The following JCAD variants were observed in gnomAD, a reference collection of about 807,000 sequenced individuals.
JCAD encodes junctional cadherin 5-associated protein.
A neutral mutation model predicts 98.0 loss-of-function variants in JCAD; 40 were observed. That is an observed-to-expected ratio of 0.41 (90% CI 0.32 to 0.53). The LOEUF (loss-of-function observed/expected upper bound fraction) is 0.53. JCAD is among the 20% of genes least tolerant of loss of function. JCAD has a pLI of 0.31. For missense variants in JCAD, 1,705 were observed against 1,738.1 expected, an observed-to-expected ratio of 0.98 and a Z score of 0.34; for synonymous variants, 691 against 682.3, an observed-to-expected ratio of 1.01 and a Z score of -0.20.
intron 2 of JCAD, among the ~76,000 whole-genome samples, chr10:30,067,327 G>GA (rs1564461451): frequency 6.8e-6 from 1 of 147,886 alleles, no homozygotes; most frequent in Non-Finnish European, 1.5e-5. Flanking sequence ...CCTTTTTTCT[G>GA]TTTTTTTTTT....
intron 2 of JCAD, among the ~76,000 whole-genome samples, chr10:30,046,203 C>T (rs1388213237): frequency 6.6e-6 from 1 of 152,152 alleles, no homozygotes; most frequent in African/African-American, 2.4e-5. Context: ...TAAAGGCAAA[C>T]ACAGTGTTAG....
At chr10:30,102,883 G>A (rs997070323) in intron 1 of JCAD, among the ~76,000 whole-genome samples, 1 of 152,180 alleles carries the variant, frequency 6.6e-6, no homozygotes, top group Non-Finnish European at 1.5e-5. Context: ...GCAGGCAAGA[G>A]GGCATGTGCA....
chr10:30,026,176 G>A lies in JCAD; in HGVS notation c.3972C>T (p.Ser1324=), dbSNP rs1213288723. ...GATGCTCCTTCTCTTCCCTGGAGAT[G>A]CTGTCCTTGGACACAGAGAGTGAGT... The part of the protein sequence containing the change: ...LGHSLSVSKD[S]ISREEKEHPA... Residue 1324 remains serine (S), a synonymous_variant, in exon 3 of 4, where the codon AGC becomes AGT. Coordinates refer to ENST00000375377, the MANE Select transcript of JCAD (RefSeq NM_020848.4). The A allele has an allele frequency of 3.1e-6, 5 of 1,614,156 alleles. No individual in the cohort carries two copies. In the South Asian group the frequency reaches 5.5e-5, roughly 18 times the overall value.
chr10:30,036,086 A>G (rs1474393769), intron 2 of JCAD, among the ~76,000 whole-genome samples: 2 of 152,252 alleles, frequency 1.3e-5, no homozygotes, highest in South Asian at 4.1e-4. Context: ...GTTCATTCAC[A>G]TGACTCCTTC....
intron 1 of JCAD, among the ~76,000 whole-genome samples, chr10:30,100,305 G>A (rs1413222127): frequency 6.6e-6 from 1 of 152,080 alleles, no homozygotes; most frequent in Non-Finnish European, 1.5e-5. Context: ...ACAAAGAGTC[G>A]AACTCTAAAA....
intron 2 of JCAD, among the ~76,000 whole-genome samples, chr10:30,039,280 G>T (rs925522713): frequency 6.6e-6 from 1 of 152,202 alleles, no homozygotes; most frequent in African/African-American, 2.4e-5. Flanking sequence ...CACAGGCAGG[G>T]ACAGGAAGCA....
At chr10:30,063,131 T>C (rs1837727033), upstream of JCAD, among the ~76,000 whole-genome samples, 1 of 134,290 alleles carries the variant, frequency 7.4e-6, no homozygotes, top group Non-Finnish European at 1.6e-5. Context: ...ACTTACTTGA[T>C]CTTGGGAGAT....
intron 1 of JCAD, among the ~76,000 whole-genome samples, chr10:30,083,272 A>G (rs1838116949): frequency 6.6e-6 from 1 of 152,222 alleles, no homozygotes; most frequent in Admixed American, 6.5e-5. Context: ...GTCCAAGGTC[A>G]GACAACTATT....
Position 30,028,876 on chromosome 10 carries a change from A to C in JCAD, c.1272T>G (p.Ile424Met). The change falls in exon 3 of 4, where the codon ATT becomes ATG. Residue 424 changes from isoleucine (I) to methionine (M), a missense_variant. Coordinates refer to ENST00000375377, the MANE Select transcript of JCAD (RefSeq NM_020848.4). ...VTAYDGFVQY[I>M]PFDDPRLRHF... ...GTCGTAACCGTGGATCATCAAAGGGAATGTACTGAACGAAGCCGTCATAGG... is the reference window on the plus strand; with the variant it reads ...GTCGTAACCGTGGATCATCAAAGGGCATGTACTGAACGAAGCCGTCATAGG... The C allele has an allele frequency of 1.2e-6, 2 of 1,614,078 alleles. No individual in the cohort carries two copies. Among genetic ancestry groups the C allele is most frequent in the Non-Finnish European group, 1.7e-6 (2 of 1,180,012 alleles).
intron 2 of JCAD, chr10:30,044,871 C>T: frequency 2.3e-6 from 2 of 855,492 alleles, no homozygotes; most frequent in Non-Finnish European, 2.8e-6. Flanking sequence ...AACCTTGCAG[C>T]CAGTCTCTGA....
intron 1 of JCAD, among the ~76,000 whole-genome samples, chr10:30,101,983 C>G (rs537943673): frequency 1.3e-5 from 2 of 152,234 alleles, no homozygotes; most frequent in African/African-American, 4.8e-5. Context: ...CCAGTGTGGT[C>G]TTTGCCTGGG....
upstream of JCAD, among the ~76,000 whole-genome samples, chr10:30,060,393 TA>T (rs1289114124): frequency 6.6e-6 from 1 of 152,152 alleles, no homozygotes; most frequent in Non-Finnish European, 1.5e-5. Flanking sequence ...GTCATTTGGG[TA>T]ACCCCAAACC....
intron 1 of JCAD, among the ~76,000 whole-genome samples, chr10:30,056,018 CAAT>C (rs1237310380): frequency 1.3e-5 from 2 of 152,088 alleles, no homozygotes; most frequent in African/African-American, 4.8e-5. Context: ...CTTTGGCTAG[CAAT>C]ATTTTTATGA....
At chr10:30,089,475 C>T (rs1425276099) in intron 1 of JCAD, among the ~76,000 whole-genome samples, 1 of 150,920 alleles carries the variant, frequency 6.6e-6, no homozygotes. Context: ...CCCAGCAGAA[C>T]ATCAGGGATA....
At chr10:30,060,110 T>C (rs988752709), upstream of JCAD, among the ~76,000 whole-genome samples, 4 of 149,988 alleles carry the variant, frequency 2.7e-5, no homozygotes, top group African/African-American at 9.8e-5. Context: ...AGTATGGCTA[T>C]ACACACACAC....
In JCAD at chr10:30,027,022, C is replaced by T. The variant is rs748488014; in HGVS notation, c.3126G>A (p.Gly1042=). ...LPLSLSNKNR[G]LSAPDLRSVG... Reference sequence around the variant, plus strand: ...CAGACCGTAAGTCTGGAGCTGAGAGCCCTCGGTTCTTGTTAGACAGGGACA... The same window carrying T: ...CAGACCGTAAGTCTGGAGCTGAGAGTCCTCGGTTCTTGTTAGACAGGGACA... The change falls in exon 3 of 4, where the codon GGG becomes GGA. Residue 1042 remains glycine (G), a synonymous_variant. Coordinates refer to ENST00000375377, the MANE Select transcript of JCAD (RefSeq NM_020848.4). 6.2e-7 allele frequency: 1 copy of T among 1,614,192 alleles called. No individual in the cohort carries two copies. Among genetic ancestry groups the T allele is most frequent in the South Asian group, 1.1e-5 (1 of 91,086 alleles).
In JCAD at chr10:30,028,742, T is replaced by C. The variant is rs779071577; in HGVS notation, c.1406A>G (p.Gln469Arg). Residue 469 changes from glutamine to arginine, a missense_variant, in exon 3 of 4, where the codon CAG (glutamine) becomes CGG (arginine). Physicochemically the swap from Gln to Arg is conservative, Grantham distance 43. Coordinates refer to ENST00000375377, the MANE Select transcript of JCAD (RefSeq NM_020848.4). Reference protein sequence around the residue: ...TAQEPAHGGMQPDGAIWNPQS... With the variant: ...TAQEPAHGGMRPDGAIWNPQS... ...TGGATTCCAAATGGCACCATCAGGC[T>C]GCATTCCTCCATGAGCCGGCTCTTG... 39 of 1,614,182 alleles carry C rather than the reference T, an allele frequency of 2.4e-5. 1 individual carries two copies. In the South Asian group the frequency reaches 4.0e-4, roughly 16 times the overall value.
At chr10:30,030,812 AC>A (rs1181430380) in intron 2 of JCAD, among the ~76,000 whole-genome samples, 1 of 151,874 alleles carries the variant, frequency 6.6e-6, no homozygotes, top group Non-Finnish European at 1.5e-5. Flanking sequence ...CCCTGACTGC[AC>A]ATTAGAATCC....
At chr10:30,054,827 G>T (rs985478972) in intron 1 of JCAD, among the ~76,000 whole-genome samples, 13 of 151,604 alleles carry the variant, frequency 8.6e-5, no homozygotes, top group Admixed American at 2.6e-4. Flanking sequence ...CCGCCACCTC[G>T]CCCGGCTAAT....
Sources: gnomAD v4.1 joint callset for allele counts (sites outside exome capture counted in the v4.1 genomes callset) on GRCh38, gnomAD v4.1.1 for gene constraint, MANE v1.5 for transcripts, NCBI Gene and HGNC (gene_info 2026-07-23, HGNC 2026-07-21) for gene names.